KIRREL3: variants seen among roughly 807,000 people sequenced by gnomAD.
The protein encoded by KIRREL3 is kin of IRRE-like protein 3.
KIRREL3 carries 36 observed loss-of-function variants against 89.7 expected under a neutral mutation model. The observed-to-expected ratio is 0.40, with a 90% CI of 0.31 to 0.53. The LOEUF (loss-of-function observed/expected upper bound fraction) is 0.53, where lower values mean the gene tolerates loss of function less well. KIRREL3 is among the 20% of genes least tolerant of loss of function. KIRREL3 has a pLI of 0.49. For missense variants in KIRREL3, 864 were observed against 1,056.6 expected, an observed-to-expected ratio of 0.82 and a Z score of 2.53; for synonymous variants, 445 against 441.4, an observed-to-expected ratio of 1.01 and a Z score of -0.10.
rs974397115 is a variant in KIRREL3 at position 126,579,554 on chromosome 11, A to C, written c.56-16642T>G. ...TCATGCAAGAAGCCAGTGGAAGAGG[A>C]GAACTGGGGAGACAGAGAGTGAGAA... On this transcript the variant is annotated intron_variant, in intron 1 of 16. Coordinates refer to ENST00000525144, the MANE Select transcript of KIRREL3 (RefSeq NM_032531.4). This position sits in a 1 kb window ranked among gnomAD's most constrained non-coding sequence, Gnocchi z 5.3. 1.3e-4 allele frequency among the ~76,000 whole-genome samples: 20 copies of C among 152,140 alleles called. No homozygotes were observed. Among genetic ancestry groups the C allele is most frequent in the African/African-American group, 4.8e-4 (20 of 41,440 alleles).
intron 1 of KIRREL3, among the ~76,000 whole-genome samples, chr11:126,821,017 A>G (rs1175527575): frequency 2.6e-5 from 4 of 152,166 alleles, no homozygotes; most frequent in African/African-American, 4.8e-5. Flanking sequence ...AAAGAACTCC[A>G]AAACATTCCC....
intron 5 of KIRREL3, among the ~76,000 whole-genome samples, chr11:126,468,313 T>C (rs1250589620): frequency 6.6e-6 from 1 of 152,150 alleles, no homozygotes; most frequent in African/African-American, 2.4e-5. Flanking sequence ...CAGGGTTGAG[T>C]CTCCAGGAAG....
rs139664859 is a variant in KIRREL3 at position 126,617,796 on chromosome 11, A to G, written c.56-54884T>C. Among the ~76,000 whole-genome samples, 4 of 152,344 alleles carry G rather than the reference A, an allele frequency of 2.6e-5. No homozygotes were observed. The East Asian group carries it at 7.7e-4, about 29-fold the overall frequency. On this transcript the variant is annotated intron_variant, in intron 1 of 16. Transcript: ENST00000525144. ...ACTGACTTGCTCAAAGTCCCACTGTATATAAGTAGCAAAACTAAGATTTGA... is the reference window on the plus strand; with the variant it reads ...ACTGACTTGCTCAAAGTCCCACTGTGTATAAGTAGCAAAACTAAGATTTGA...
rs1254506029 is a variant in KIRREL3, at chr11:126,796,098, C to T, written c.55+204357G>A. 6.6e-6 allele frequency among the ~76,000 whole-genome samples: 1 copy of T among 151,756 alleles called. No individual in the cohort carries two copies. Among genetic ancestry groups the T allele is most frequent in the Admixed American group, 6.6e-5 (1 of 15,222 alleles). On this transcript the variant is annotated intron_variant, in intron 1 of 16. Coordinates refer to ENST00000525144, the MANE Select transcript of KIRREL3 (RefSeq NM_032531.4). The surrounding 1 kb of genome is among the most constrained non-coding windows in gnomAD (Gnocchi z 5.1). ...TGGGACACGTTTTTATCCATGGGGTCCATGGATCTTATTTTAGTTTTGCTA... is the reference window on the plus strand; with the variant it reads ...TGGGACACGTTTTTATCCATGGGGTTCATGGATCTTATTTTAGTTTTGCTA...
intron 5 of KIRREL3, among the ~76,000 whole-genome samples, chr11:126,467,378 G>A (rs1361170032): frequency 6.6e-6 from 1 of 152,190 alleles, no homozygotes; most frequent in African/African-American, 2.4e-5. Flanking sequence ...TCCTGCTTGG[G>A]TGGCAGTGGC....
rs1354202525 is a variant in KIRREL3 at position 126,427,144 on chromosome 11, G to C, written c.1807-1420C>G. On this transcript the variant is annotated intron_variant, in intron 15 of 16. Coordinates refer to ENST00000525144, the MANE Select transcript of KIRREL3 (RefSeq NM_032531.4). This position sits in a 1 kb window ranked among gnomAD's most constrained non-coding sequence, Gnocchi z 5.3. ...TGGGAGAGAATTCAAGGTCCCGTTT[G>C]GGATGAAGGACACACATGATTAAGC... 6.6e-6 allele frequency among the ~76,000 whole-genome samples: 1 copy of C among 152,152 alleles called. No individual in the cohort carries two copies. The highest frequency in any genetic ancestry group is 2.4e-5 in the African/African-American group (1 of 41,420).
intron 1 of KIRREL3, among the ~76,000 whole-genome samples, chr11:126,644,705 T>C (rs1276285081): frequency 2.0e-5 from 3 of 152,170 alleles, no homozygotes; most frequent in Admixed American, 6.5e-5. Context: ...TTGCTGAAAT[T>C]GAAGTGAGTC....
In KIRREL3 at chr11:126,943,097, T is replaced by C. The variant is rs1268669422; in HGVS notation, c.55+57358A>G. 1.3e-5 allele frequency among the ~76,000 whole-genome samples: 2 copies of C among 152,182 alleles called. No individual in the cohort carries two copies. The highest frequency in any genetic ancestry group is 1.3e-4 in the Admixed American group (2 of 15,284). ...TTGGGACAAGCCTCTGCTTCAGTGC[T>C]CTTGATTGCACAGATTTCTGATAAA... On this transcript the variant is annotated intron_variant, in intron 1 of 16. Coordinates refer to ENST00000525144, the MANE Select transcript of KIRREL3 (RefSeq NM_032531.4). This position sits in a 1 kb window ranked among gnomAD's most constrained non-coding sequence, Gnocchi z 4.2.
intron 1 of KIRREL3, among the ~76,000 whole-genome samples, chr11:126,751,160 G>GGA (rs776368385): frequency 2.0e-5 from 3 of 152,182 alleles, no homozygotes; most frequent in Admixed American, 6.5e-5. Context: ...TAGCGCCACA[G>GGA]GACTCAGGCT....
chr11:126,827,827 G>C (rs73026568), intron 1 of KIRREL3, among the ~76,000 whole-genome samples: 7,423 of 152,128 alleles, frequency 0.049, 280 homozygotes, highest in African/African-American at 0.1. Flanking sequence ...TTTTCTTCCT[G>C]TTTTTATCTG....
chr11:126,470,732 C>T lies in KIRREL3; in HGVS notation c.591+2577G>A, dbSNP rs143636627. ...GCCCCCAGCTGCGGAGCTTGGGGGA[C>T]CGGCTTGCCCTAGGAGGAGCATGGG... is the stretch of plus-strand genomic sequence containing the variant. On this transcript the variant is annotated intron_variant, in intron 5 of 16. Coordinates refer to ENST00000525144, the MANE Select transcript of KIRREL3 (RefSeq NM_032531.4). 2.0e-3 allele frequency among the ~76,000 whole-genome samples: 299 copies of T among 152,210 alleles called. 1 individual carries two copies. Among genetic ancestry groups the T allele is most frequent in the African/African-American group, 6.8e-3 (282 of 41,534 alleles).
chr11:126,529,949 G>A (rs1035641286), intron 2 of KIRREL3, among the ~76,000 whole-genome samples: 2 of 142,638 alleles, frequency 1.4e-5, no homozygotes, highest in African/African-American at 5.7e-5. Flanking sequence ...AGGTGGAGAT[G>A]GAGGGATGGA....
intron 1 of KIRREL3, among the ~76,000 whole-genome samples, chr11:126,934,659 T>C (rs73574803): frequency 0.079 from 12,044 of 152,240 alleles, 569 homozygotes; most frequent in Middle Eastern, 0.14. Flanking sequence ...CAGTTCATAA[T>C]GGAAGAAAAC....
intron 1 of KIRREL3, among the ~76,000 whole-genome samples, chr11:126,777,125 T>C (rs1019518680): frequency 1.3e-5 from 2 of 151,894 alleles, no homozygotes; most frequent in Non-Finnish European, 2.9e-5. Context: ...CACAGTGGAG[T>C]GTATTGCTTG....
intron 1 of KIRREL3, among the ~76,000 whole-genome samples, chr11:126,749,285 C>T (rs980898556): frequency 1.3e-5 from 2 of 152,186 alleles, no homozygotes; most frequent in Admixed American, 1.3e-4. Flanking sequence ...ATAAATTTGA[C>T]TCTCTCGCTT....
chr11:126,678,336 C>A (rs900439693), intron 1 of KIRREL3, among the ~76,000 whole-genome samples: 2 of 152,006 alleles, frequency 1.3e-5, no homozygotes, highest in Non-Finnish European at 2.9e-5. Flanking sequence ...CGTGGTGGCT[C>A]ACGCCTGTAA....
chr11:126,734,794 C>G lies in KIRREL3; in HGVS notation c.56-171882G>C, dbSNP rs371221086. On this transcript the variant is annotated intron_variant, in intron 1 of 16. Transcript: ENST00000525144. This position sits in a 1 kb window ranked among gnomAD's most constrained non-coding sequence, Gnocchi z 5.9. The stretch of plus-strand genomic sequence containing the variant: ...AATCACAGTGGTGGAGACTGATGAG[C>G]AGGTCAGAGAAGTTTTCGTTGGAGG... Among the ~76,000 whole-genome samples the G allele has an allele frequency of 3.3e-5, 5 of 152,244 alleles. No individual in the cohort carries two copies. Among genetic ancestry groups the G allele is most frequent in the African/African-American group, 9.6e-5 (4 of 41,548 alleles).
At chr11:126,585,459 C>T (rs930548316) in intron 1 of KIRREL3, among the ~76,000 whole-genome samples, 3 of 151,850 alleles carry the variant, frequency 2.0e-5, no homozygotes, top group Non-Finnish European at 4.4e-5. Flanking sequence ...CTCTCGAATT[C>T]CTGACCTCGT....
intron 1 of KIRREL3, among the ~76,000 whole-genome samples, chr11:126,590,107 T>G (rs775242655): frequency 6.6e-6 from 1 of 152,266 alleles, no homozygotes; most frequent in Non-Finnish European, 1.5e-5. Context: ...AACCAGATTC[T>G]GAGGGCTGCA....
Sources: gnomAD v4.1 joint callset for allele counts (sites outside exome capture counted in the v4.1 genomes callset) on GRCh38, gnomAD v4.1.1 for gene constraint, Gnocchi (gnomAD v3.1) non-coding constraint, MANE v1.5 for transcripts, NCBI Gene and HGNC (gene_info 2026-07-23, HGNC 2026-07-21) for gene names.